Variants in HERC3 observed in about 807,000 individuals in gnomAD.
HERC3 encodes HECT and RLD domain containing E3 ubiquitin protein ligase 3.
Under a neutral mutation model 129.9 loss-of-function variants are expected in HERC3, and 58 were observed. That is an observed-to-expected ratio of 0.45 (90% CI 0.36 to 0.56). HERC3 has a LOEUF of 0.56. Among genes scored for constraint, HERC3 ranks in the 20% least tolerant of loss-of-function variants. HERC3 has a pLI of 0.00. For missense variants in HERC3, 835 were observed against 1,244.2 expected, an observed-to-expected ratio of 0.67 and a Z score of 4.95; for synonymous variants, 430 against 451.0, an observed-to-expected ratio of 0.95 and a Z score of 0.59.
At chr4:88,650,539 T>C (rs1446026995) in intron 4 of HERC3, among the ~76,000 whole-genome samples, 1 of 152,208 alleles carries the variant, frequency 6.6e-6, no homozygotes, top group Non-Finnish European at 1.5e-5. Context: ...TATCTAATAG[T>C]TGCCACTAAG....
At chr4:88,657,902 A>AG (rs1462704378) in intron 9 of HERC3, among the ~76,000 whole-genome samples, 2 of 152,012 alleles carry the variant, frequency 1.3e-5, no homozygotes, top group Non-Finnish European at 2.9e-5. Context: ...GGGGCAGCAG[A>AG]GGGGGGAGGC....
At chr4:88,633,092 G>C (rs1028407975) in intron 3 of HERC3, among the ~76,000 whole-genome samples, 1 of 152,212 alleles carries the variant, frequency 6.6e-6, no homozygotes, top group African/African-American at 2.4e-5. Context: ...GCAGAGCATA[G>C]AAAGAAGAGA....
At chr4:88,581,323 G>A in the HERC3 span, among the ~76,000 whole-genome samples, 2 of 150,214 alleles carry the variant, frequency 1.3e-5, no homozygotes, top group African/African-American at 2.4e-5. Flanking sequence ...TTTTTGAGAC[G>A]GAGTTTCGCT....
At chr4:88,577,424 T>C in the HERC3 span, among the ~76,000 whole-genome samples, 1 of 152,100 alleles carries the variant, frequency 6.6e-6, no homozygotes, top group Non-Finnish European at 1.5e-5. Context: ...CCAAAACCCA[T>C]ATTGACTACA....
At chr4:88,649,188 C>T (rs1239489185) in intron 3 of HERC3, among the ~76,000 whole-genome samples, 1 of 152,076 alleles carries the variant, frequency 6.6e-6, no homozygotes, top group African/African-American at 2.4e-5. Context: ...GAGGTGCTAA[C>T]GTGAGTGGAG....
the HERC3 span, among the ~76,000 whole-genome samples, chr4:88,528,941 A>G: frequency 6.6e-6 from 1 of 152,216 alleles, no homozygotes; most frequent in East Asian, 1.9e-4. Context: ...CTATCAAAAT[A>G]GTAAATATTT....
At chr4:88,688,729 T>A (rs1733743766) in intron 23 of HERC3, among the ~76,000 whole-genome samples, 1 of 152,220 alleles carries the variant, frequency 6.6e-6, no homozygotes, top group African/African-American at 2.4e-5. Context: ...GAATATTTTT[T>A]AATTAGTTAT....
chr4:88,676,293 G>T (rs781569776), intron 17 of HERC3, 41 bp from the exon 18 acceptor site: 13 of 1,557,584 alleles, frequency 8.3e-6, no homozygotes, highest in Non-Finnish European at 1.2e-5. Context: ...TATACTTTCT[G>T]TGGAATAGTA....
chr4:88,659,638 T>G (rs1400162379), intron 10 of HERC3, among the ~76,000 whole-genome samples: 2 of 152,048 alleles, frequency 1.3e-5, no homozygotes, highest in Non-Finnish European at 2.9e-5. Context: ...GAAGCTGAGG[T>G]TTTTCTTTGT....
At chr4:88,528,236 G>A in the HERC3 span, 1 of 156,906 alleles carries the variant, frequency 6.4e-6, no homozygotes, top group South Asian at 1.9e-4. Flanking sequence ...TTTATAGCAC[G>A]AAGTTCTAAA....
intron 3 of HERC3, among the ~76,000 whole-genome samples, chr4:88,619,575 A>G (rs775014720): frequency 6.6e-5 from 10 of 152,238 alleles, no homozygotes; most frequent in Non-Finnish European, 1.2e-4. Context: ...GAGGGTTTCA[A>G]CGTGGTCCTG....
chr4:88,585,860 AT>A, the HERC3 span, among the ~76,000 whole-genome samples: 1 of 152,148 alleles, frequency 6.6e-6, no homozygotes, highest in Non-Finnish European at 1.5e-5. Flanking sequence ...CTTTGTTTGT[AT>A]TTCACATATA....
At chr4:88,666,037 T>A (rs183588418) in intron 12 of HERC3, among the ~76,000 whole-genome samples, 6 of 152,288 alleles carry the variant, frequency 3.9e-5, no homozygotes, top group South Asian at 2.1e-4. Context: ...ACATCCTTCA[T>A]TCCCACCTGC....
intron 16 of HERC3, among the ~76,000 whole-genome samples, chr4:88,670,878 C>T (rs1258831007): frequency 2.0e-5 from 3 of 151,986 alleles, no homozygotes; most frequent in Non-Finnish European, 4.4e-5. Flanking sequence ...TGCCACAATT[C>T]CCACTGCAGC....
the HERC3 span, among the ~76,000 whole-genome samples, chr4:88,535,695 C>T: frequency 1.6e-4 from 25 of 152,290 alleles, no homozygotes; most frequent in African/African-American, 5.3e-4. Flanking sequence ...CTCTCTTCCT[C>T]TGCTTATAAA....
intron 4 of HERC3, 33 bp downstream of exon 4, chr4:88,650,032 A>C (rs1220009440): frequency 1.3e-6 from 2 of 1,595,770 alleles, no homozygotes; most frequent in Non-Finnish European, 1.7e-6. Flanking sequence ...GTCGTTTTAA[A>C]TGCTATTTCC....
intron 23 of HERC3, among the ~76,000 whole-genome samples, chr4:88,701,620 G>GA (rs1434439768): frequency 6.6e-6 from 1 of 151,920 alleles, no homozygotes; most frequent in Non-Finnish European, 1.5e-5. Context: ...TTTAATAAAA[G>GA]AAAAAAATTA....
At chr4:88,603,767 A>G (rs941420663) in intron 2 of HERC3, among the ~76,000 whole-genome samples, 1 of 152,238 alleles carries the variant, frequency 6.6e-6, no homozygotes, top group Admixed American at 6.5e-5. Context: ...TGTCTTTGTA[A>G]GCAAAAATAA....
the HERC3 span, among the ~76,000 whole-genome samples, chr4:88,550,307 T>G: frequency 6.6e-6 from 1 of 152,074 alleles, no homozygotes; most frequent in African/African-American, 2.4e-5. Flanking sequence ...GAGAAGGAAA[T>G]AAAGGGTATT....
Sources: allele counts gnomAD v4.1 joint callset (sites outside exome capture counted in the v4.1 genomes callset), GRCh38; gene constraint gnomAD v4.1.1; transcripts MANE v1.5; gene names NCBI Gene and HGNC (gene_info 2026-07-23, HGNC 2026-07-21).